Variants in MTX2 observed in about 807,000 individuals in gnomAD.
MTX2 encodes the protein metaxin-2.
In MTX2, 35 loss-of-function variants were observed where a neutral mutation model predicts 42.3. That is an observed-to-expected ratio of 0.83 (90% CI 0.63 to 1.10). The LOEUF (loss-of-function observed/expected upper bound fraction) is 1.10, where lower values mean the gene tolerates loss of function less well. Among genes scored for constraint, MTX2 ranks in the 50% least tolerant of loss-of-function variants. MTX2 has a pLI of 0.00. For synonymous variants in MTX2, 119 were observed against 100.9 expected (o/e 1.18, Z -1.08); for missense variants, 307 against 304.1 (o/e 1.01, Z -0.07).
intron 3 of MTX2, among the ~76,000 whole-genome samples, chr2:176,310,446 A>G (rs1684275784): frequency 6.6e-6 from 1 of 152,102 alleles, no homozygotes; most frequent in Non-Finnish European, 1.5e-5. Context: ...ATGTTGGCCT[A>G]CCTTGCTAGG....
chr2:176,277,425 G>T (rs911966034), intron 1 of MTX2, among the ~76,000 whole-genome samples: 6 of 152,104 alleles, frequency 3.9e-5, no homozygotes, highest in African/African-American at 1.4e-4. Context: ...TTTTTGAGAT[G>T]GAGTTGCGCT....
In MTX2 at chr2:176,313,035, A is replaced by T. The variant is rs1575052683; in HGVS notation, c.136-10357A>T. Among the ~76,000 whole-genome samples the T allele has an allele frequency of 1.3e-5, 2 of 151,908 alleles. 1 individual carries two copies. Among genetic ancestry groups the T allele is most frequent in the East Asian group, 3.8e-4 (2 of 5,200 alleles). On this transcript the variant is annotated intron_variant, in intron 3 of 9. Transcript: ENST00000249442. Reference sequence around the variant, plus strand: ...CATAATAATTATTTTAATTTTTCTCATAAGGAGACATTAAAAGGTAATAAA... The same window carrying T: ...CATAATAATTATTTTAATTTTTCTCTTAAGGAGACATTAAAAGGTAATAAA...
In MTX2 at chr2:176,329,344, A is replaced by G; in HGVS notation, c.461A>G (p.Asn154Ser). 1.2e-6 allele frequency: 2 copies of G among 1,608,030 alleles called. No homozygotes were observed. The highest frequency in any genetic ancestry group is 1.7e-6 in the Non-Finnish European group (2 of 1,175,786). The stretch of plus-strand genomic sequence containing the variant: ...GGATCTCCTTACCCTTGGCCTCTGA[A>G]TCATATTTTGGCCTATCAAAAACAG... ...RYGSPYPWPL[N>S]HILAYQKQWE... The change falls in exon 8 of 10, where the codon AAT (asparagine) becomes AGT (serine). Residue 154 changes from asparagine (N) to serine (S), a missense_variant. Coordinates refer to ENST00000249442, the MANE Select transcript of MTX2 (RefSeq NM_006554.5).
intron 1 of MTX2, among the ~76,000 whole-genome samples, chr2:176,292,313 A>C (rs1446128575): frequency 6.6e-6 from 1 of 152,218 alleles, no homozygotes; most frequent in Non-Finnish European, 1.5e-5. Context: ...TTTCAGGTCA[A>C]CTGAAGAAAA....
At chr2:176,294,190 TG>T in intron 1 of MTX2, among the ~76,000 whole-genome samples, 1 of 152,250 alleles carries the variant, frequency 6.6e-6, no homozygotes, top group Non-Finnish European at 1.5e-5. Context: ...TTATTTGCAG[TG>T]AAGTAATATG....
At chr2:176,285,789 A>AC (rs1693185669) in intron 1 of MTX2, among the ~76,000 whole-genome samples, 2 of 152,174 alleles carry the variant, frequency 1.3e-5, no homozygotes, top group African/African-American at 4.8e-5. Flanking sequence ...TCACCAGTTA[A>AC]TGAACATCTG....
intron 3 of MTX2, among the ~76,000 whole-genome samples, chr2:176,309,305 C>T (rs889585275): frequency 6.6e-6 from 1 of 152,188 alleles, no homozygotes; most frequent in African/African-American, 2.4e-5. Context: ...GAGTGCTTTA[C>T]TTCCAATTAT....
At chr2:176,318,085 T>G (rs2105434922) in intron 3 of MTX2, among the ~76,000 whole-genome samples, 1 of 152,292 alleles carries the variant, frequency 6.6e-6, no homozygotes, top group Non-Finnish European at 1.5e-5. Flanking sequence ...ACATCTCTGG[T>G]CTGCTTTTGT....
intron 1 of MTX2, among the ~76,000 whole-genome samples, chr2:176,287,393 T>C (rs552250894): frequency 6.6e-6 from 1 of 152,312 alleles, no homozygotes; most frequent in East Asian, 1.9e-4. Context: ...CTGAAAATGC[T>C]CCAAAATCCA....
rs552006325 is a variant in MTX2 at position 176,311,457 on chromosome 2, A to C, written c.136-11935A>C. ...TCAGAGCTGTCAGACAGGGACATTGAAGTCTGCAGAAGTTGTCTGCTGTCT... is the reference window on the plus strand; with the variant it reads ...TCAGAGCTGTCAGACAGGGACATTGCAGTCTGCAGAAGTTGTCTGCTGTCT... On this transcript the variant is annotated intron_variant, in intron 3 of 9. Coordinates refer to ENST00000249442, the MANE Select transcript of MTX2 (RefSeq NM_006554.5). Among the ~76,000 whole-genome samples the C allele has an allele frequency of 1.7e-4, 26 of 152,260 alleles. No homozygotes were observed. In the South Asian group the frequency reaches 3.9e-3, roughly 23 times the overall value.
intron 3 of MTX2, 66 bp downstream of exon 3, chr2:176,297,961 G>C: frequency 5.5e-6 from 7 of 1,267,346 alleles, no homozygotes; most frequent in Non-Finnish European, 7.6e-6. Flanking sequence ...TTGACTTGCA[G>C]TTATATTTTT....
At chr2:176,273,873 A>T (rs1237073486) in intron 1 of MTX2, among the ~76,000 whole-genome samples, 1 of 151,534 alleles carries the variant, frequency 6.6e-6, no homozygotes, top group African/African-American at 2.4e-5. Flanking sequence ...TGCAAGCCTC[A>T]GTGGGTTTTT....
chr2:176,307,882 C>T (rs1399623213), intron 3 of MTX2, among the ~76,000 whole-genome samples: 1 of 152,022 alleles, frequency 6.6e-6, no homozygotes, highest in East Asian at 1.9e-4. Context: ...TAATTGAATA[C>T]CCTTCATTTC....
chr2:176,275,362 T>A (rs7576608), intron 1 of MTX2, among the ~76,000 whole-genome samples: 1 of 151,542 alleles, frequency 6.6e-6, no homozygotes, highest in Non-Finnish European at 1.5e-5. Context: ...CCTCAGCCTC[T>A]TGAGTAGCTG....
chr2:176,318,966 A>G (rs1684510038), intron 3 of MTX2, among the ~76,000 whole-genome samples: 1 of 152,210 alleles, frequency 6.6e-6, no homozygotes, highest in South Asian at 2.1e-4. Flanking sequence ...AACATTAATT[A>G]AGGAGCCACA....
Position 176,309,472 on chromosome 2 carries a change from G to A in MTX2, c.135+11577G>A, listed in dbSNP as rs142611839. Among the ~76,000 whole-genome samples, 676 of 152,280 alleles carry A rather than the reference G, an allele frequency of 4.4e-3. 2 individuals carry two copies. The highest frequency in any genetic ancestry group is 7.5e-3 in the Non-Finnish European group (507 of 68,008). On this transcript the variant is annotated intron_variant, in intron 3 of 9. Transcript: ENST00000249442. ...TGTTAACCTGCTGTCTTGTTGATCT[G>A]TCTGATATTGACAGTGGGGTGTTAA...
At chr2:176,280,012 A>G (rs1307541193) in intron 1 of MTX2, among the ~76,000 whole-genome samples, 1 of 152,176 alleles carries the variant, frequency 6.6e-6, no homozygotes, top group African/African-American at 2.4e-5. Context: ...ATATAGTTAG[A>G]TTTGACTTTA....
chr2:176,270,474 ATTG>A, intron 1 of MTX2: 1 of 1,246,572 alleles, frequency 8.0e-7, no homozygotes, highest in Non-Finnish European at 1.1e-6. Context: ...GAAATTAAAT[ATTG>A]TTGAGAAAGT....
chr2:176,326,928 G>T, intron 5 of MTX2, 27 bp downstream of exon 5: 1 of 1,310,006 alleles, frequency 7.6e-7, no homozygotes, highest in South Asian at 1.3e-5. Context: ...AAATGTATTT[G>T]ATCAGTTACC....
Sources: gnomAD v4.1 joint callset for allele counts (sites outside exome capture counted in the v4.1 genomes callset) on GRCh38, gnomAD v4.1.1 for gene constraint, MANE v1.5 for transcripts, NCBI Gene and HGNC (gene_info 2026-07-23, HGNC 2026-07-21) for gene names.